Variants in MARCHF3 observed in about 807,000 individuals in gnomAD.
MARCHF3 encodes membrane associated ring-CH-type finger 3, also known as E3 ubiquitin-protein ligase MARCHF3.
In MARCHF3, 13 loss-of-function variants were observed where a neutral mutation model predicts 24.2. The ratio of observed to expected loss-of-function variants is 0.54; its 90% CI spans 0.35 to 0.85. The LOEUF is 0.85. Among genes scored for constraint, MARCHF3 ranks in the 40% least tolerant of loss-of-function variants. MARCHF3 has a pLI of 0.01. For synonymous variants in MARCHF3, 144 were observed against 137.3 expected (o/e 1.05, Z -0.34); for missense variants, 276 against 325.0 (o/e 0.85, Z 1.16).
chr5:126,941,935 C>T (rs998803987), intron 1 of MARCHF3, among the ~76,000 whole-genome samples: 2 of 152,174 alleles, frequency 1.3e-5, no homozygotes, highest in African/African-American at 2.4e-5. Context: ...GGGCAGTATG[C>T]TCATTCCTGG....
intron 1 of MARCHF3, among the ~76,000 whole-genome samples, chr5:126,947,768 C>T (rs905844213): frequency 4.6e-5 from 7 of 152,020 alleles, no homozygotes; most frequent in Non-Finnish European, 5.9e-5. Flanking sequence ...ATATCTCCTC[C>T]CCTTCCTACC....
intron 3 of MARCHF3, among the ~76,000 whole-genome samples, chr5:126,910,141 G>C (rs1299505182): frequency 1.3e-5 from 2 of 152,134 alleles, no homozygotes; most frequent in Non-Finnish European, 2.9e-5. Flanking sequence ...ATCCTAGAAG[G>C]CCTTTCCTCC....
chr5:126,999,394 G>A (rs1752051170), intron 1 of MARCHF3, among the ~76,000 whole-genome samples: 1 of 152,166 alleles, frequency 6.6e-6, no homozygotes, highest in Non-Finnish European at 1.5e-5. Context: ...TTGGGGACAT[G>A]GATTCTGTTC....
In MARCHF3 at chr5:127,004,250, C is replaced by G. The variant is rs138501349; in HGVS notation, c.-57+26100G>C. Among the ~76,000 whole-genome samples, 37 of 152,246 alleles carry G rather than the reference C, an allele frequency of 2.4e-4. 2 individuals are homozygous for G. The East Asian group carries it at 5.8e-3, about 24-fold the overall frequency. ...TGATCTGCTCCCTATAAATAGGCTGCAAAACGGGGCTGTGCCTTTAGCAAA... is the reference window on the plus strand; with the variant it reads ...TGATCTGCTCCCTATAAATAGGCTGGAAAACGGGGCTGTGCCTTTAGCAAA... On this transcript the variant is annotated intron_variant, in intron 1 of 4. Coordinates refer to ENST00000308660, the MANE Select transcript of MARCHF3 (RefSeq NM_178450.5).
intron 1 of MARCHF3, among the ~76,000 whole-genome samples, chr5:126,987,216 T>C (rs1176080448): frequency 6.6e-6 from 1 of 152,240 alleles, no homozygotes; most frequent in Non-Finnish European, 1.5e-5. Context: ...TTAGTGGGTA[T>C]AAAGTTTCAG....
chr5:126,960,369 T>C (rs891937539), intron 1 of MARCHF3, among the ~76,000 whole-genome samples: 2 of 152,174 alleles, frequency 1.3e-5, no homozygotes, highest in African/African-American at 4.8e-5. Flanking sequence ...TTAATAGTCA[T>C]AATGCCCCTT....
intron 3 of MARCHF3, among the ~76,000 whole-genome samples, chr5:126,912,324 C>G (rs1395530358): frequency 6.6e-6 from 1 of 152,164 alleles, no homozygotes; most frequent in Non-Finnish European, 1.5e-5. Context: ...AAAGTAATTC[C>G]AACCAATGTT....
chr5:126,953,075 TC>T (rs1750309722), intron 1 of MARCHF3, among the ~76,000 whole-genome samples: 2 of 152,198 alleles, frequency 1.3e-5, no homozygotes, highest in African/African-American at 4.8e-5. Flanking sequence ...TTTAGTATAT[TC>T]CACAAGCTGC....
At chr5:126,920,984 C>A (rs2126797094) in intron 1 of MARCHF3, among the ~76,000 whole-genome samples, 1 of 151,928 alleles carries the variant, frequency 6.6e-6, no homozygotes, top group African/African-American at 2.4e-5. Context: ...AGAAACCACA[C>A]CTTGCCTTCT....
intron 1 of MARCHF3, among the ~76,000 whole-genome samples, chr5:126,973,005 C>T (rs554317936): frequency 9.2e-5 from 14 of 152,182 alleles, no homozygotes; most frequent in Non-Finnish European, 1.6e-4. Context: ...TGCCTTTGTT[C>T]GTAGTCTCAT....
At chr5:126,999,582 G>C (rs993112357) in intron 1 of MARCHF3, among the ~76,000 whole-genome samples, 2 of 152,156 alleles carry the variant, frequency 1.3e-5, no homozygotes, top group African/African-American at 4.8e-5. Flanking sequence ...CAGTTGCATT[G>C]CAGTAATGTC....
chr5:126,898,292 T>G (rs996052804), intron 3 of MARCHF3, among the ~76,000 whole-genome samples: 4 of 152,116 alleles, frequency 2.6e-5, no homozygotes, highest in Admixed American at 6.6e-5. Context: ...AAGTATCCTA[T>G]AGATTTCTCT....
chr5:127,011,030 C>T (rs1752454940), intron 1 of MARCHF3, among the ~76,000 whole-genome samples: 1 of 152,126 alleles, frequency 6.6e-6, no homozygotes, highest in Non-Finnish European at 1.5e-5. Flanking sequence ...TTATGTTATG[C>T]ACATTTTACT....
At chr5:126,908,356 G>C (rs1287879962) in intron 3 of MARCHF3, among the ~76,000 whole-genome samples, 2 of 152,044 alleles carry the variant, frequency 1.3e-5, no homozygotes, top group Non-Finnish European at 2.9e-5. Flanking sequence ...TCCTGAATCT[G>C]AATGTTGGCC....
chr5:126,894,396 A>G (rs1753799484), intron 3 of MARCHF3, among the ~76,000 whole-genome samples: 1 of 151,090 alleles, frequency 6.6e-6, no homozygotes, highest in South Asian at 2.1e-4. Context: ...TGGTCTTTAC[A>G]TTTTGGCATG....
chr5:127,025,592 A>G (rs1287569241), intron 1 of MARCHF3, among the ~76,000 whole-genome samples: 1 of 152,106 alleles, frequency 6.6e-6, no homozygotes, highest in Non-Finnish European at 1.5e-5. Flanking sequence ...TCTGTAACCC[A>G]GGATGCTGTC....
intron 3 of MARCHF3, among the ~76,000 whole-genome samples, chr5:126,882,880 A>C (rs1239104735): frequency 1.3e-5 from 2 of 152,212 alleles, no homozygotes; most frequent in African/African-American, 2.4e-5. Flanking sequence ...GGAAAATGAG[A>C]CACAGAGAAT....
intron 3 of MARCHF3, among the ~76,000 whole-genome samples, chr5:126,884,207 T>A (rs1332305871): frequency 4.6e-5 from 7 of 152,206 alleles, no homozygotes; most frequent in Non-Finnish European, 7.3e-5. Context: ...AAGTTGAAAA[T>A]CATGCTTTTC....
intron 1 of MARCHF3, among the ~76,000 whole-genome samples, chr5:126,976,853 G>A (rs946266653): frequency 7.9e-5 from 12 of 152,210 alleles, no homozygotes; most frequent in South Asian, 2.1e-4. Context: ...CATCCTGCCT[G>A]GAAATGCCCC....
Sources: gnomAD v4.1 joint callset for allele counts (sites outside exome capture counted in the v4.1 genomes callset) on GRCh38, gnomAD v4.1.1 for gene constraint, MANE v1.5 for transcripts, NCBI Gene and HGNC (gene_info 2026-07-23, HGNC 2026-07-21) for gene names.